The following FAM98B variants were observed in gnomAD, a reference collection of about 807,000 sequenced individuals.
The protein encoded by FAM98B is tRNA-splicing ligase complex subunit FAM98B.
A neutral mutation model predicts 43.9 loss-of-function variants in FAM98B; 32 were observed. The ratio of observed to expected loss-of-function variants is 0.73; its 90% CI spans 0.55 to 0.98. The LOEUF is 0.98. Among genes scored for constraint, FAM98B ranks in the 50% least tolerant of loss-of-function variants. FAM98B has a pLI of 0.00. For synonymous variants in FAM98B, 190 were observed against 174.0 expected (o/e 1.09, Z -0.72); for missense variants, 514 against 522.9 (o/e 0.98, Z 0.17).
intron 7 of FAM98B, 134 bp from the exon 8 acceptor site, chr15:38,484,121 A>T: frequency 1.4e-6 from 1 of 722,434 alleles, no homozygotes; most frequent in Non-Finnish European, 2.3e-6. Flanking sequence ...TTTAATATTA[A>T]TTTGTTCTGC....
chr15:38,469,028 C>A (rs534308481), intron 3 of FAM98B, among the ~76,000 whole-genome samples: 19 of 152,186 alleles, frequency 1.2e-4, no homozygotes, highest in Non-Finnish European at 2.5e-4. Context: ...GCCTCAGCCT[C>A]CCTAGTAGCT....
chr15:38,479,079 C>T (rs537146760), intron 6 of FAM98B, among the ~76,000 whole-genome samples: 13 of 152,216 alleles, frequency 8.5e-5, no homozygotes, highest in Admixed American at 3.3e-4. Flanking sequence ...CTGTGGCCTT[C>T]GCTCAGGCAG....
rs1236779510 is a variant in FAM98B, at chr15:38,486,760, C to G, written c.*2101C>G. 1 of 151,994 alleles carries G rather than the reference C, an allele frequency of 6.6e-6. No individual in the cohort carries two copies. Among genetic ancestry groups the G allele is most frequent in the Non-Finnish European group, 1.5e-5 (1 of 67,940 alleles). The allele number at this position is 151,994 out of a possible 1,614,324, so 9.4% of individuals were successfully genotyped here. A position where few individuals can be genotyped will look rare whatever the true frequency, so the allele number is the denominator to read the frequency against. The stretch of plus-strand genomic sequence containing the variant: ...CTCTTTCCTGTAAGGTGGGATTTTC[C>G]TGATAATCTTTGTTCAGTAAAAATT... On this transcript the variant is annotated 3_prime_UTR_variant, in exon 8 of 8. Coordinates refer to ENST00000397609, the MANE Select transcript of FAM98B (RefSeq NM_173611.4).
At chr15:38,458,679 G>C (rs936334822) in intron 1 of FAM98B, 1 of 196,366 alleles carries the variant, frequency 5.1e-6, no homozygotes, top group Non-Finnish European at 1.0e-5. Flanking sequence ...CACTCTGTCC[G>C]TCAGGTGATC....
At chr15:38,478,221 A>G (rs180827387) in intron 6 of FAM98B, among the ~76,000 whole-genome samples, 2 of 152,298 alleles carry the variant, frequency 1.3e-5, no homozygotes, top group Admixed American at 1.3e-4. Context: ...GCTTTGAGCA[A>G]ATATTCCTTT....
chr15:38,473,490 T>A lies in FAM98B; in HGVS notation c.532-15T>A. 6.3e-7 allele frequency: 1 copy of A among 1,576,924 alleles called. No individual in the cohort carries two copies. The highest frequency in any genetic ancestry group is 8.7e-7 in the Non-Finnish European group (1 of 1,154,860). ...GGAATATACATTTTTCACAATCTTT[T>A]ATATTTACTTTTAGGTGAAAGATAT... On this transcript the variant is annotated splice_polypyrimidine_tract_variant and intron_variant, in intron 4 of 7. Transcript: ENST00000397609.
chr15:38,466,200 G>C (rs1890029173), intron 3 of FAM98B, among the ~76,000 whole-genome samples: 1 of 151,750 alleles, frequency 6.6e-6, no homozygotes, highest in Non-Finnish European at 1.5e-5. Context: ...GTGTGTGTGT[G>C]TGTGTGTGTG....
chr15:38,458,948 C>A (rs796417162), intron 1 of FAM98B: 1 of 409,402 alleles, frequency 2.4e-6, no homozygotes, highest in South Asian at 2.1e-5. Context: ...CCTCCCCAGG[C>A]GGCTGAGGTT....
Position 38,485,088 on chromosome 15 carries a change from C to T in FAM98B, c.*429C>T, listed in dbSNP as rs11558666. The T allele has an allele frequency of 0.011, 1,719 of 153,310 alleles. 20 individuals are homozygous for T. The highest frequency in any genetic ancestry group is 0.019 in the Non-Finnish European group (1,292 of 68,820). 9.5% of individuals were successfully genotyped at this position (153,310 alleles called of 1,614,324 possible). A position where few individuals can be genotyped will look rare whatever the true frequency, so the allele number is the denominator to read the frequency against. ...ATAGACCCTTGCCTCACCTGTATTG[C>T]TGTGGATGTGTTTTGTGGGTTTTTC... On this transcript the variant is annotated 3_prime_UTR_variant, in exon 8 of 8. Transcript: ENST00000397609.
Position 38,481,430 on chromosome 15 carries a change from C to T in FAM98B, c.868C>T (p.Arg290Trp), listed in dbSNP as rs917629930. The change falls in exon 7 of 8, where the codon CGG becomes TGG. Residue 290 changes from arginine (R) to tryptophan (W), a missense_variant. Arg to Trp is a moderately radical substitution (Grantham distance 101). Coordinates refer to ENST00000397609, the MANE Select transcript of FAM98B (RefSeq NM_173611.4). ...KIIRTSSGTS[R>W]EKTACAINKV... ...CATTAGGACAAGTAGTGGCACCAGC[C>T]GGGAGAAGACCGCATGTGCCATTAA... is the stretch of plus-strand genomic sequence containing the variant. 6.2e-6 allele frequency: 10 copies of T among 1,614,032 alleles called. No individual in the cohort carries two copies. The highest frequency in any genetic ancestry group is 5.3e-5 in the African/African-American group (4 of 74,902).
chr15:38,477,372 A>T (rs527804036), intron 6 of FAM98B, among the ~76,000 whole-genome samples: 4 of 151,824 alleles, frequency 2.6e-5, no homozygotes, highest in African/African-American at 9.7e-5. Context: ...GGTTGGAGGG[A>T]TGGCCTATTT....
chr15:38,477,555 G>A (rs1890220831), intron 6 of FAM98B, among the ~76,000 whole-genome samples: 1 of 152,096 alleles, frequency 6.6e-6, no homozygotes, highest in Admixed American at 6.5e-5. Flanking sequence ...CCAAACACCT[G>A]ACAGATACAG....
intron 4 of FAM98B, among the ~76,000 whole-genome samples, chr15:38,470,866 T>C (rs1890120734): frequency 6.6e-6 from 1 of 152,092 alleles, no homozygotes; most frequent in Non-Finnish European, 1.5e-5. Flanking sequence ...GTGCATTATA[T>C]AATGAATGGA....
intron 2 of FAM98B, 151 bp downstream of exon 2, chr15:38,464,328 A>G (rs1415746607): frequency 4.4e-6 from 3 of 684,284 alleles, no homozygotes; most frequent in Non-Finnish European, 6.5e-6. Context: ...TTTGGATTAA[A>G]TTTTATATTA....
At chr15:38,478,824 T>C (rs1890243349) in intron 6 of FAM98B, among the ~76,000 whole-genome samples, 1 of 152,230 alleles carries the variant, frequency 6.6e-6, no homozygotes, top group African/African-American at 2.4e-5. Flanking sequence ...TGAGATAATA[T>C]TGTGAATGTA....
chr15:38,471,452 C>A (rs2141057777), intron 4 of FAM98B, among the ~76,000 whole-genome samples: 1 of 152,112 alleles, frequency 6.6e-6, no homozygotes, highest in South Asian at 2.1e-4. Flanking sequence ...GGGACTATTT[C>A]AGATTGAGAC....
intron 6 of FAM98B, among the ~76,000 whole-genome samples, chr15:38,478,625 C>A (rs1031493957): frequency 1.3e-5 from 2 of 152,076 alleles, no homozygotes; most frequent in African/African-American, 2.4e-5. Context: ...GCCTCTTTGA[C>A]CCTGTAATAA....
intron 3 of FAM98B, among the ~76,000 whole-genome samples, chr15:38,468,644 T>C (rs544496887): frequency 2.6e-5 from 4 of 152,318 alleles, no homozygotes; most frequent in Non-Finnish European, 4.4e-5. Context: ...AACTGTCATG[T>C]GTAGACTGCA....
intron 1 of FAM98B, among the ~76,000 whole-genome samples, chr15:38,460,797 C>T (rs1447120970): frequency 6.6e-6 from 1 of 152,120 alleles, no homozygotes; most frequent in Non-Finnish European, 1.5e-5. Flanking sequence ...TATGGCCATC[C>T]CGGATGAATT....
Sources: gnomAD v4.1 joint callset for allele counts (sites outside exome capture counted in the v4.1 genomes callset) on GRCh38, gnomAD v4.1.1 for gene constraint, MANE v1.5 for transcripts, NCBI Gene and HGNC (gene_info 2026-07-23, HGNC 2026-07-21) for gene names.